The following PLAAT1 variants were observed in gnomAD, a reference collection of about 807,000 sequenced individuals.
PLAAT1 encodes the protein H-REV107 protein-related protein.
Under a neutral mutation model 16.4 loss-of-function variants are expected in PLAAT1, and 13 were observed. The ratio of observed to expected loss-of-function variants is 0.79; its 90% CI spans 0.52 to 1.26. PLAAT1 has a LOEUF of 1.26. Ranked by LOEUF, PLAAT1 falls within the 50% of genes most tolerant of loss-of-function variation. PLAAT1 has a pLI of 0.00. For missense variants in PLAAT1, 218 were observed against 207.8 expected, an observed-to-expected ratio of 1.05 and a Z score of -0.30; for synonymous variants, 73 against 78.4, an observed-to-expected ratio of 0.93 and a Z score of 0.36.
chr3:193,250,446 C>T (rs1476554442), intron 1 of PLAAT1, among the ~76,000 whole-genome samples: 3 of 152,172 alleles, frequency 2.0e-5, no homozygotes, highest in Non-Finnish European at 2.9e-5. Context: ...AGACTGCTCA[C>T]ATTGGACCTG....
chr3:193,243,824 C>G (rs1715871967), intron 1 of PLAAT1, among the ~76,000 whole-genome samples: 1 of 152,204 alleles, frequency 6.6e-6, no homozygotes, highest in African/African-American at 2.4e-5. Flanking sequence ...ACTAGAATCC[C>G]ACTTGTTGGC....
chr3:193,250,210 A>G (rs574236060), intron 1 of PLAAT1, among the ~76,000 whole-genome samples: 1 of 152,016 alleles, frequency 6.6e-6, no homozygotes, highest in South Asian at 2.1e-4. Context: ...GCTATTTTTT[A>G]TTCTTATTGT....
intron 1 of PLAAT1, among the ~76,000 whole-genome samples, chr3:193,243,213 T>TA (rs1715845433): frequency 6.6e-6 from 1 of 152,232 alleles, no homozygotes; most frequent in Non-Finnish European, 1.5e-5. Flanking sequence ...TTTTTTACCT[T>TA]AAAGATTGTA....
intron 1 of PLAAT1, 82 bp from the exon 2 acceptor site, chr3:193,255,569 A>G (rs1038714188): frequency 7.4e-7 from 1 of 1,347,654 alleles, no homozygotes; most frequent in African/African-American, 1.5e-5. Flanking sequence ...ATTCTGTATC[A>G]TTCTGCTTTT....
chr3:193,273,822 T>G (rs565014487), downstream of PLAAT1, among the ~76,000 whole-genome samples: 1 of 152,314 alleles, frequency 6.6e-6, no homozygotes, highest in South Asian at 2.1e-4. Context: ...TTTAGATAAT[T>G]AAAAGATGAA....
chr3:193,252,058 T>G (rs1293099611), intron 1 of PLAAT1, among the ~76,000 whole-genome samples: 1 of 152,200 alleles, frequency 6.6e-6, no homozygotes, highest in African/African-American at 2.4e-5. Flanking sequence ...GAGATTTAAT[T>G]GGCTCACAGC....
At chr3:193,259,604 T>A (rs924809330) in intron 2 of PLAAT1, among the ~76,000 whole-genome samples, 2 of 151,946 alleles carry the variant, frequency 1.3e-5, no homozygotes, top group African/African-American at 4.8e-5. Flanking sequence ...GAGAGCCATA[T>A]TAAAAACACA....
At chr3:193,243,644 A>T (rs1715864683) in intron 1 of PLAAT1, among the ~76,000 whole-genome samples, 2 of 152,216 alleles carry the variant, frequency 1.3e-5, no homozygotes, top group Admixed American at 6.5e-5. Flanking sequence ...ATAAAAAAGG[A>T]GCATGAACTC....
At position 193,263,130 on chromosome 3, in the gene PLAAT1, G is replaced by GCGAC. The variant is rs1321120830; in HGVS notation, c.302_303insACCG (p.Ser102ProfsTer13). On this transcript the variant is annotated frameshift_variant, in exon 3 of 4. Transcript: ENST00000264735. LOFTEE classifies it high-confidence loss of function. Reference sequence around the variant, plus strand: ...CTCTCCCTGTGGAAGAAATCATAAAGCGGTCAGAGTTTGTAATTGGACAGG... The same window carrying GCGAC: ...CTCTCCCTGTGGAAGAAATCATAAAGCGACCGGTCAGAGTTTGTAATTGGACAGG... 6.2e-7 allele frequency: 1 copy of GCGAC among 1,614,200 alleles called. No individual in the cohort carries two copies. The highest frequency in any genetic ancestry group is 1.6e-4 in the Middle Eastern group (1 of 6,062).
chr3:193,243,201 A>AT (rs5855473), intron 1 of PLAAT1, among the ~76,000 whole-genome samples: 1,612 of 152,272 alleles, frequency 0.011, 56 homozygotes, highest in East Asian at 0.072. Context: ...AAAATGAAGC[A>AT]TTTTTTTACC....
intron 2 of PLAAT1, among the ~76,000 whole-genome samples, chr3:193,276,120 A>G (rs1438438066): frequency 6.6e-6 from 1 of 152,194 alleles, no homozygotes; most frequent in Non-Finnish European, 1.5e-5. Context: ...CTTTAAACAT[A>G]TATAATGAGG....
intron 3 of PLAAT1, among the ~76,000 whole-genome samples, chr3:193,267,141 C>A (rs533901994): frequency 6.6e-6 from 1 of 152,260 alleles, no homozygotes; most frequent in East Asian, 1.9e-4. Flanking sequence ...GTATAGCCAT[C>A]TCCTTCATCA....
At chr3:193,256,623 T>G (rs1716386675) in intron 2 of PLAAT1, among the ~76,000 whole-genome samples, 1 of 152,210 alleles carries the variant, frequency 6.6e-6, no homozygotes, top group Non-Finnish European at 1.5e-5. Flanking sequence ...TAGCAAAGGT[T>G]AAGTGATAAC....
At chr3:193,246,026 A>G (rs1306972472) in intron 1 of PLAAT1, among the ~76,000 whole-genome samples, 1 of 152,196 alleles carries the variant, frequency 6.6e-6, no homozygotes, top group Non-Finnish European at 1.5e-5. Context: ...CACTTCTTCC[A>G]TTCCTATATG....
rs140754891 is a variant in PLAAT1, at chr3:193,276,770, A to G, written c.*60-866A>G. The G allele has an allele frequency of 3.5e-5, 56 of 1,611,982 alleles. No individual in the cohort carries two copies. The highest frequency in any genetic ancestry group is 4.4e-5 in the Non-Finnish European group (52 of 1,178,756). ...TTTACCTCTACAAAGAAAGCCACAC[A>G]GAATTGGGTGAGGGCTACCACCAAA... is the stretch of plus-strand genomic sequence containing the variant. On this transcript the variant is annotated intron_variant and NMD_transcript_variant, in intron 2 of 2. Transcript: ENST00000416012.
chr3:193,272,790 G>T (rs912025458), downstream of PLAAT1, among the ~76,000 whole-genome samples: 2 of 145,306 alleles, frequency 1.4e-5, no homozygotes, highest in East Asian at 4.2e-4. Context: ...GTGTTTGAGG[G>T]TGTGGTAGTT....
downstream of PLAAT1, among the ~76,000 whole-genome samples, chr3:193,280,212 G>A (rs1453853026): frequency 3.3e-5 from 5 of 151,882 alleles, no homozygotes; most frequent in South Asian, 4.1e-4. Context: ...CACCATGCAT[G>A]GCTAAATTTT....
At chr3:193,278,393 G>C (rs1717322937), downstream of PLAAT1, among the ~76,000 whole-genome samples, 1 of 152,084 alleles carries the variant, frequency 6.6e-6, no homozygotes, top group Non-Finnish European at 1.5e-5. Context: ...AACTTCTCTA[G>C]CTGCCTCCAT....
At chr3:193,242,931 T>A (rs1460098947) in intron 1 of PLAAT1, among the ~76,000 whole-genome samples, 1 of 152,212 alleles carries the variant, frequency 6.6e-6, no homozygotes, top group African/African-American at 2.4e-5. Context: ...TTGGGAGTAG[T>A]TGTTAAAAAA....
Sources: allele counts gnomAD v4.1 joint callset (sites outside exome capture counted in the v4.1 genomes callset), GRCh38; gene constraint gnomAD v4.1.1; transcripts MANE v1.5; gene names NCBI Gene and HGNC (gene_info 2026-07-23, HGNC 2026-07-21).